Variants in BANK1 observed in about 807,000 individuals in gnomAD.
BANK1 encodes the protein B-cell scaffold protein with ankyrin repeats.
BANK1 carries 95 observed loss-of-function variants against 94.5 expected under a neutral mutation model. The observed-to-expected ratio is 1.00, with a 90% CI of 0.85 to 1.19. BANK1 has a LOEUF of 1.19. Ranked by LOEUF, BANK1 falls within the 50% of genes most tolerant of loss-of-function variation. BANK1 has a pLI of 0.00. For missense variants in BANK1, 987 were observed against 932.2 expected, an observed-to-expected ratio of 1.06 and a Z score of -0.77; for synonymous variants, 334 against 308.4, an observed-to-expected ratio of 1.08 and a Z score of -0.87.
chr4:101,848,582 C>A (rs1158943592), intron 2 of BANK1, among the ~76,000 whole-genome samples: 1 of 152,152 alleles, frequency 6.6e-6, no homozygotes. Context: ...TAAGATAATA[C>A]AGTCATGCAC....
chr4:102,002,569 A>T (rs751716039), intron 7 of BANK1, among the ~76,000 whole-genome samples: 46 of 151,822 alleles, frequency 3.0e-4, no homozygotes, highest in Non-Finnish European at 6.0e-4. Context: ...ACACACACAC[A>T]CACACACACA....
intron 3 of BANK1, among the ~76,000 whole-genome samples, chr4:101,861,677 G>A (rs1318602367): frequency 6.6e-6 from 1 of 152,058 alleles, no homozygotes; most frequent in East Asian, 1.9e-4. Flanking sequence ...GTGTATGTGT[G>A]TGTGTGTGTG....
At chr4:102,017,911 A>T (rs72931991) in intron 7 of BANK1, among the ~76,000 whole-genome samples, 10,629 of 152,032 alleles carry the variant, frequency 0.07, 963 homozygotes, top group African/African-American at 0.21. Flanking sequence ...ATTCCTTTTC[A>T]TTCCTCTCTC....
chr4:101,986,833 GTA>G (rs1422267398), intron 7 of BANK1, among the ~76,000 whole-genome samples: 11 of 98,490 alleles, frequency 1.1e-4, no homozygotes, highest in African/African-American at 5.0e-4. Context: ...GTATATATAT[GTA>G]TATATATGTG....
At chr4:101,844,031 A>T (rs1440837189) in intron 2 of BANK1, among the ~76,000 whole-genome samples, 2 of 152,210 alleles carry the variant, frequency 1.3e-5, no homozygotes, top group Admixed American at 6.5e-5. Flanking sequence ...CCACTAAATA[A>T]TGGTTTTAGC....
rs752755025 is a variant in BANK1 at position 101,830,160 on chromosome 4, G to A, written c.423G>A (p.Gln141=). ...GCAGATGGGAGATCTCAACTGAACA[G>A]GAACCTGAAGACTACATCTCTGTAA... ...SQSRWEISTE[Q]EPEDYISVIQ... Residue 141 remains glutamine, a synonymous_variant, in exon 2 of 17, where the codon CAG becomes CAA. Transcript: ENST00000322953. 2.2e-5 allele frequency: 35 copies of A among 1,595,284 alleles called. No individual in the cohort carries two copies. The highest frequency in any genetic ancestry group is 2.8e-5 in the Non-Finnish European group (33 of 1,173,736).
chr4:101,794,672 T>G (rs1409415173), intron 1 of BANK1, among the ~76,000 whole-genome samples: 1 of 152,138 alleles, frequency 6.6e-6, no homozygotes, highest in Non-Finnish European at 1.5e-5. Context: ...AGATATCATA[T>G]GGAATTATAC....
In BANK1 at chr4:101,917,890, G is replaced by T. The variant is rs754189187; in HGVS notation, c.1010-103G>T. The T allele has an allele frequency of 6.8e-5, 51 of 745,108 alleles. 1 individual carries two copies. In the Middle Eastern group the frequency reaches 1.1e-3, roughly 17 times the overall value. The allele number at this position is 745,108 out of a possible 1,614,324, so 46.2% of individuals were successfully genotyped here. A position where few individuals can be genotyped will look rare whatever the true frequency, so the allele number is the denominator to read the frequency against. On this transcript the variant is annotated intron_variant, in intron 6 of 16. Coordinates refer to ENST00000322953, the MANE Select transcript of BANK1 (RefSeq NM_017935.5). The stretch of plus-strand genomic sequence containing the variant: ...TAGTTTCTTACACAAAAAGTCTGCT[G>T]TGCTTTATGGGAATTACTTTTAGGA...
chr4:101,913,557 C>T (rs1221891567), intron 6 of BANK1, among the ~76,000 whole-genome samples: 1 of 152,164 alleles, frequency 6.6e-6, no homozygotes, highest in African/African-American at 2.4e-5. Flanking sequence ...CCTTGTTTTG[C>T]TCATTGCCTA....
intron 7 of BANK1, among the ~76,000 whole-genome samples, chr4:102,005,489 C>T (rs1313936566): frequency 6.6e-6 from 1 of 152,048 alleles, no homozygotes; most frequent in Non-Finnish European, 1.5e-5. Context: ...CCCTTGAAAA[C>T]TTTATACTTC....
At chr4:101,794,320 A>T (rs746383167) in intron 1 of BANK1, among the ~76,000 whole-genome samples, 2 of 152,162 alleles carry the variant, frequency 1.3e-5, no homozygotes, top group Non-Finnish European at 2.9e-5. Context: ...CTATTTTACC[A>T]AAATATTTAC....
Position 101,852,199 on chromosome 4 carries a change from C to T in BANK1, c.470-2836C>T, listed in dbSNP as rs947200296. On this transcript the variant is annotated intron_variant, in intron 2 of 16. Transcript: ENST00000322953. ...TTTAATACATTCATTATCTTAAAAG[C>T]AATCTTTTCTATTATTGCATTTATA... Among the ~76,000 whole-genome samples, 3 of 151,712 alleles carry T rather than the reference C, an allele frequency of 2.0e-5. No individual in the cohort carries two copies. In the East Asian group the frequency reaches 5.8e-4, roughly 29 times the overall value.
intron 4 of BANK1, among the ~76,000 whole-genome samples, chr4:101,866,053 C>T (rs1000786446): frequency 1.3e-5 from 2 of 151,922 alleles, no homozygotes; most frequent in African/African-American, 4.8e-5. Flanking sequence ...CAAGATAAAA[C>T]ACAATTTAAA....
intron 5 of BANK1, among the ~76,000 whole-genome samples, chr4:101,893,108 T>A (rs1384574414): frequency 6.6e-6 from 1 of 152,030 alleles, no homozygotes; most frequent in Non-Finnish European, 1.5e-5. Flanking sequence ...TCTTTCCTAA[T>A]TAATTGTCTT....
chr4:101,937,491 G>A (rs1177992663), intron 7 of BANK1, among the ~76,000 whole-genome samples: 1 of 151,890 alleles, frequency 6.6e-6, no homozygotes, highest in Non-Finnish European at 1.5e-5. Context: ...ATGAAAAAAT[G>A]TTCATCATCA....
At chr4:101,959,849 A>G (rs1724505255) in intron 7 of BANK1, among the ~76,000 whole-genome samples, 1 of 152,192 alleles carries the variant, frequency 6.6e-6, no homozygotes, top group Non-Finnish European at 1.5e-5. Flanking sequence ...AAAATCATGA[A>G]TTATGGTTTA....
intron 2 of BANK1, among the ~76,000 whole-genome samples, chr4:101,851,945 A>C (rs1465108277): frequency 6.6e-5 from 10 of 152,062 alleles, no homozygotes; most frequent in Admixed American, 6.5e-4. Flanking sequence ...TTGTCCCAGG[A>C]CCTTCTTCTG....
At chr4:101,901,804 A>T (rs930320602) in intron 6 of BANK1, among the ~76,000 whole-genome samples, 1 of 151,662 alleles carries the variant, frequency 6.6e-6, no homozygotes, top group African/African-American at 2.4e-5. Context: ...TCTGTCGCCC[A>T]GGCTGGAGTG....
At chr4:101,961,705 G>T (rs1724575559) in intron 7 of BANK1, among the ~76,000 whole-genome samples, 1 of 152,092 alleles carries the variant, frequency 6.6e-6, no homozygotes, top group African/African-American at 2.4e-5. Flanking sequence ...GTTTCAAATA[G>T]ATTAGAGAAA....
Sources: gnomAD v4.1 joint callset for allele counts (sites outside exome capture counted in the v4.1 genomes callset) on GRCh38, gnomAD v4.1.1 for gene constraint, MANE v1.5 for transcripts, NCBI Gene and HGNC (gene_info 2026-07-23, HGNC 2026-07-21) for gene names.